Variants in KCMF1 observed in about 807,000 individuals in gnomAD.
The protein encoded by KCMF1 is E3 ubiquitin-protein ligase KCMF1.
KCMF1 carries 3 observed loss-of-function variants against 41.1 expected under a neutral mutation model. The ratio of observed to expected loss-of-function variants is 0.07; its 90% CI spans 0.03 to 0.19. KCMF1 has a LOEUF of 0.19. Ranked by LOEUF, KCMF1 falls within the 10% of genes least tolerant of loss-of-function variation. The pLI is 1.00. For missense variants in KCMF1, 286 were observed against 488.9 expected, an observed-to-expected ratio of 0.58 and a Z score of 3.91; for synonymous variants, 142 against 164.5, an observed-to-expected ratio of 0.86 and a Z score of 1.04.
At chr2:85,007,101 CAAAAA>C (rs764401140) in intron 1 of KCMF1, among the ~76,000 whole-genome samples, 3 of 51,900 alleles carry the variant, frequency 5.8e-5, no homozygotes, top group Non-Finnish European at 1.2e-4. Flanking sequence ...AACTCAGTCT[CAAAAA>C]AAAAAAAAAA....
At chr2:85,003,489 T>A (rs1674384405) in intron 1 of KCMF1, among the ~76,000 whole-genome samples, 1 of 151,494 alleles carries the variant, frequency 6.6e-6, no homozygotes, top group Admixed American at 6.6e-5. Flanking sequence ...AAAAAAAAAA[T>A]AAGTCTTGTT....
chr2:85,017,955 G>A (rs1674822779), intron 1 of KCMF1, among the ~76,000 whole-genome samples: 1 of 151,954 alleles, frequency 6.6e-6, no homozygotes, highest in Admixed American at 6.6e-5. Flanking sequence ...TTAGTTCATA[G>A]CTTTCATTTG....
At chr2:84,995,981 A>G (rs1045724849) in intron 1 of KCMF1, among the ~76,000 whole-genome samples, 2 of 152,266 alleles carry the variant, frequency 1.3e-5, no homozygotes, top group African/African-American at 4.8e-5. Context: ...CATAACAGAC[A>G]TGTTGTATTG....
At chr2:84,995,390 T>C (rs1195565273) in intron 1 of KCMF1, among the ~76,000 whole-genome samples, 2 of 152,204 alleles carry the variant, frequency 1.3e-5, no homozygotes, top group Non-Finnish European at 2.9e-5. Context: ...TTCTAGAGTC[T>C]TGATTCAGGT....
intron 1 of KCMF1, among the ~76,000 whole-genome samples, chr2:84,981,278 C>T (rs903636068): frequency 9.9e-5 from 15 of 151,910 alleles, no homozygotes; most frequent in Non-Finnish European, 1.8e-4. Flanking sequence ...CAAGCTCCGC[C>T]TCCCGGGTTC....
Position 85,053,286 on chromosome 2 carries a change from G to C in KCMF1, c.1023G>C (p.Arg341=), listed in dbSNP as rs368080171. Residue 341 remains arginine (R), a synonymous_variant, in exon 7 of 7, where the codon CGG becomes CGC. Coordinates refer to ENST00000409785, the MANE Select transcript of KCMF1 (RefSeq NM_020122.5). ...GCTCATCCTCAGATGAGGATGATCG[G>C]GGGGAGATGGCAGATTTTGGTGCTA... ...EESSSSDEDD[R]GEMADFGAMG... is the part of the protein sequence containing the mutation. The C allele has an allele frequency of 1.9e-6, 3 of 1,613,854 alleles. No homozygotes were observed. In the African/African-American group the frequency reaches 4.0e-5, roughly 22 times the overall value.
chr2:84,973,381 G>A (rs1362279592), intron 1 of KCMF1, among the ~76,000 whole-genome samples: 3 of 152,168 alleles, frequency 2.0e-5, no homozygotes, highest in Non-Finnish European at 4.4e-5. Context: ...TTGGTGCTGT[G>A]CAAAGGTGTG....
intron 1 of KCMF1, among the ~76,000 whole-genome samples, chr2:84,974,542 A>C (rs868604654): frequency 7.3e-5 from 11 of 151,044 alleles, no homozygotes; most frequent in African/African-American, 2.7e-4. Context: ...GGTGGCAAAC[A>C]TTGCAGGCTT....
chr2:84,982,420 T>TTTTTTA, intron 1 of KCMF1, among the ~76,000 whole-genome samples: 1 of 128,074 alleles, frequency 7.8e-6, no homozygotes, highest in Non-Finnish European at 1.6e-5. Flanking sequence ...TTTTTTTTTT[T>TTTTTTA]TTGAGCCAGT....
intron 1 of KCMF1, among the ~76,000 whole-genome samples, chr2:85,006,850 T>C (rs1330560142): frequency 1.3e-5 from 2 of 151,810 alleles, no homozygotes; most frequent in East Asian, 3.9e-4. Context: ...TGCTCATGCC[T>C]GTAATCCCAG....
chr2:85,026,336 T>C (rs1421960279), intron 1 of KCMF1, among the ~76,000 whole-genome samples: 1 of 151,532 alleles, frequency 6.6e-6, no homozygotes, highest in African/African-American at 2.4e-5. Flanking sequence ...GAGATCTCTC[T>C]ATGTTGCCTT....
intron 1 of KCMF1, 136 bp downstream of exon 1, chr2:84,971,603 G>A: frequency 3.1e-6 from 1 of 321,406 alleles, no homozygotes; most frequent in Non-Finnish European, 4.9e-6. Flanking sequence ...GCTGGACCCG[G>A]GAGCGAGCGA....
At chr2:85,008,655 A>G (rs561013983) in intron 1 of KCMF1, among the ~76,000 whole-genome samples, 1 of 151,758 alleles carries the variant, frequency 6.6e-6, no homozygotes, top group African/African-American at 2.4e-5. Flanking sequence ...GCTTTGTTGG[A>G]CCTGAGCTGG....
chr2:85,026,239 C>T (rs1675099895), intron 1 of KCMF1, among the ~76,000 whole-genome samples: 1 of 151,870 alleles, frequency 6.6e-6, no homozygotes, highest in Non-Finnish European at 1.5e-5. Flanking sequence ...GATCCGCCCA[C>T]CTCAGTCTCC....
At chr2:84,985,242 T>C (rs1673873003) in intron 1 of KCMF1, among the ~76,000 whole-genome samples, 1 of 152,140 alleles carries the variant, frequency 6.6e-6, no homozygotes, top group Non-Finnish European at 1.5e-5. Context: ...CACCCTCGCA[T>C]TGTAGGCTGT....
At chr2:85,047,722 A>T (rs1312784739) in intron 5 of KCMF1, among the ~76,000 whole-genome samples, 2 of 152,246 alleles carry the variant, frequency 1.3e-5, no homozygotes, top group Non-Finnish European at 2.9e-5. Flanking sequence ...CTGTAGCCTG[A>T]TAATCTGCAA....
chr2:84,993,014 G>A (rs1402445482), intron 1 of KCMF1, among the ~76,000 whole-genome samples: 2 of 151,882 alleles, frequency 1.3e-5, no homozygotes, highest in South Asian at 2.1e-4. Flanking sequence ...AACAACTGAC[G>A]AAACCCCTTC....
At chr2:85,040,090 G>T (rs529706048) in intron 3 of KCMF1, among the ~76,000 whole-genome samples, 1 of 152,248 alleles carries the variant, frequency 6.6e-6, no homozygotes, top group Non-Finnish European at 1.5e-5. Flanking sequence ...TGCTGCGATT[G>T]TAGGCGTGAG....
intron 1 of KCMF1, among the ~76,000 whole-genome samples, chr2:85,016,841 C>A (rs1481822263): frequency 6.6e-6 from 1 of 152,008 alleles, no homozygotes; most frequent in Non-Finnish European, 1.5e-5. Flanking sequence ...AGGCACCCGC[C>A]ATCACACCCA....
Sources: gnomAD v4.1 joint callset for allele counts (sites outside exome capture counted in the v4.1 genomes callset) on GRCh38, gnomAD v4.1.1 for gene constraint, MANE v1.5 for transcripts, NCBI Gene and HGNC (gene_info 2026-07-23, HGNC 2026-07-21) for gene names.